Variants in SMCHD1 observed in about 807,000 individuals in gnomAD.
SMCHD1 encodes structural maintenance of chromosomes flexible hinge domain-containing protein 1.
A neutral mutation model predicts 254.7 loss-of-function variants in SMCHD1; 78 were observed. That is an observed-to-expected ratio of 0.31 (90% confidence interval 0.26 to 0.37). The LOEUF is 0.37. Ranked by LOEUF, SMCHD1 falls within the 10% of genes least tolerant of loss-of-function variation. The pLI, the probability that SMCHD1 is intolerant of heterozygous loss-of-function variation, is 1.00. For synonymous variants in SMCHD1, 766 were observed against 794.9 expected (o/e 0.96, Z 0.61); for missense variants, 1,840 against 2,408.1 (o/e 0.76, Z 4.94).
chr18:2,655,996 G>T lies in SMCHD1; in HGVS notation c.-80G>T, dbSNP rs895184190. ...TCGAGCCGCCCCGGGAGCTGGAGCTGAAGGCGCCGCGCGGAGCGCGCACCT... is the reference window on the plus strand; with the variant it reads ...TCGAGCCGCCCCGGGAGCTGGAGCTTAAGGCGCCGCGCGGAGCGCGCACCT... On this transcript the variant is annotated 5_prime_UTR_variant, in exon 1 of 48. Transcript: ENST00000320876. 13 of 1,189,950 alleles carry T rather than the reference G, an allele frequency of 1.1e-5. No individual in the cohort carries two copies. The African/African-American group carries it at 1.3e-4, about 12-fold the overall frequency. 73.7% of individuals were successfully genotyped at this position (1,189,950 alleles called of 1,614,324 possible).
At chr18:2,695,456 C>T (rs948344171) in intron 8 of SMCHD1, among the ~76,000 whole-genome samples, 9 of 151,844 alleles carry the variant, frequency 5.9e-5, no homozygotes, top group Non-Finnish European at 5.9e-5. Context: ...ATTACAGGCG[C>T]GTGCCACCAC....
intron 4 of SMCHD1, 96 bp from the exon 5 acceptor site, chr18:2,673,919 G>A: frequency 8.0e-7 from 1 of 1,245,482 alleles, no homozygotes; most frequent in Non-Finnish European, 1.1e-6. Context: ...TAATGTATAA[G>A]TGAGCCTGTT....
At chr18:2,711,481 CTT>C (rs752950626) in intron 17 of SMCHD1, among the ~76,000 whole-genome samples, 2 of 112,502 alleles carry the variant, frequency 1.8e-5, no homozygotes, top group African/African-American at 3.5e-5. Flanking sequence ...GGATGTTTGT[CTT>C]TTTTTTTTTT....
intron 24 of SMCHD1, among the ~76,000 whole-genome samples, chr18:2,729,756 T>TGGAGTGCAGTGGCACA (rs1332696121): frequency 1.3e-5 from 2 of 151,810 alleles, no homozygotes; most frequent in East Asian, 3.9e-4. Flanking sequence ...TTGTCTAGGC[T>TGGAGTGCAGTGGCACA]GGAGTGCAGT....
chr18:2,700,998 T>G (rs2074387174), intron 12 of SMCHD1, 80 bp downstream of exon 12: 2 of 1,076,708 alleles, frequency 1.9e-6, no homozygotes, highest in Non-Finnish European at 2.6e-6. Flanking sequence ...CAGTGTAGGT[T>G]TTTATTGATA....
chr18:2,713,298 A>T (rs1254908985), intron 17 of SMCHD1, among the ~76,000 whole-genome samples: 1 of 152,186 alleles, frequency 6.6e-6, no homozygotes, highest in East Asian at 1.9e-4. Flanking sequence ...AAAAATCAGA[A>T]AGTTGCTTGG....
Position 2,762,130 on chromosome 18 carries a change from A to G in SMCHD1, c.4460A>G (p.Gln1487Arg), listed in dbSNP as rs2075797094. 1.2e-6 allele frequency: 2 copies of G among 1,613,506 alleles called. No individual in the cohort carries two copies. The highest frequency in any genetic ancestry group is 1.1e-5 in the South Asian group (1 of 91,064). ...GTTATAGTTGAAGTCCTGCCTAATC[A>G]ACCTGTGAAGTTAGTACCTAAAATT... The part of the protein sequence containing the change: ...EQVIVEVLPN[Q>R]PVKLVPKIKP... The change falls in exon 36 of 48, where the codon CAA (glutamine) becomes CGA (arginine). Residue 1487 changes from glutamine (Q) to arginine (R), a missense_variant. Around this residue, in one of 9 missense-constraint regions of SMCHD1, gnomAD observed 881 missense variants for 1,009.5 expected, o/e 0.87. Transcript: ENST00000320876.
At chr18:2,704,908 G>A (rs376987417) in intron 13 of SMCHD1, among the ~76,000 whole-genome samples, 1 of 152,222 alleles carries the variant, frequency 6.6e-6, no homozygotes. Context: ...AGGAGGAGCT[G>A]GCAGAGGAGA....
At chr18:2,778,544 G>C (rs956226569) in intron 44 of SMCHD1, among the ~76,000 whole-genome samples, 53 of 152,124 alleles carry the variant, frequency 3.5e-4, no homozygotes, top group African/African-American at 1.3e-3. Context: ...TGGTTTTCTA[G>C]GGCAGCCATT....
intron 1 of SMCHD1, among the ~76,000 whole-genome samples, chr18:2,663,863 T>C (rs2073362489): frequency 6.6e-6 from 1 of 152,192 alleles, no homozygotes; most frequent in South Asian, 2.1e-4. Context: ...TACAGGCGCC[T>C]GCCACCACGC....
At chr18:2,700,698 T>C (rs757237269) in intron 11 of SMCHD1, 37 bp from the exon 12 acceptor site, 2 of 1,603,834 alleles carry the variant, frequency 1.2e-6, no homozygotes, top group East Asian at 2.2e-5. Flanking sequence ...TTTTACAACT[T>C]AATTCTTTTA....
At chr18:2,689,788 G>A (rs2074132846) in intron 7 of SMCHD1, among the ~76,000 whole-genome samples, 1 of 150,932 alleles carries the variant, frequency 6.6e-6, no homozygotes, top group Admixed American at 6.6e-5. Context: ...AGCTGAGGTG[G>A]GAGGATTGCT....
intron 45 of SMCHD1, among the ~76,000 whole-genome samples, chr18:2,787,675 AG>A: frequency 6.6e-6 from 1 of 152,366 alleles, no homozygotes; most frequent in East Asian, 1.9e-4. Context: ...AAAAATACAC[AG>A]ATGTCATATT....
intron 41 of SMCHD1, among the ~76,000 whole-genome samples, chr18:2,773,955 G>T (rs149334925): frequency 3.3e-5 from 5 of 151,880 alleles, no homozygotes; most frequent in Non-Finnish European, 7.4e-5. Flanking sequence ...ATAAATAATC[G>T]TAGAAATACA....
intron 3 of SMCHD1, chr18:2,672,948 C>A: frequency 2.4e-6 from 1 of 413,994 alleles, no homozygotes; most frequent in Non-Finnish European, 3.2e-6. Flanking sequence ...TAATTACATA[C>A]TGCAGACTAT....
At chr18:2,743,728 C>A (rs1373003838) in intron 28 of SMCHD1, 33 bp from the exon 29 acceptor site, 39 of 1,531,316 alleles carry the variant, frequency 2.5e-5, no homozygotes, top group Non-Finnish European at 3.5e-5. Flanking sequence ...AAGTGATACC[C>A]CCTGTCTTTC....
intron 1 of SMCHD1, among the ~76,000 whole-genome samples, chr18:2,658,855 TATAC>T (rs1483108776): frequency 6.6e-6 from 1 of 150,704 alleles, no homozygotes; most frequent in Non-Finnish European, 1.5e-5. Context: ...TATATGTATA[TATAC>T]ATATATATAC....
In SMCHD1 at chr18:2,796,656, G is replaced by C. The variant is rs144395718; in HGVS notation, c.5993+135G>C. ...AGTGCAGTGGCACAATCTTGGCTCA[G>C]TGCAACCTCTGCCTTCCAGGCCCAC... is the stretch of plus-strand genomic sequence containing the variant. On this transcript the variant is annotated intron_variant, in intron 47 of 47. Transcript: ENST00000320876. The C allele has an allele frequency of 4.3e-3, 2,708 of 635,808 alleles. 11 individuals are homozygous for C. The highest frequency in any genetic ancestry group is 4.8e-3 in the Non-Finnish European group (1,782 of 371,292). 39.4% of individuals were successfully genotyped at this position (635,808 alleles called of 1,614,324 possible).
intron 5 of SMCHD1, among the ~76,000 whole-genome samples, chr18:2,682,365 G>A (rs1340719845): frequency 6.8e-6 from 1 of 147,054 alleles, no homozygotes; most frequent in East Asian, 2.0e-4. Context: ...CCACCTCTCA[G>A]CCCCAGGCTG....
Sources: gnomAD v4.1 joint callset for allele counts (sites outside exome capture counted in the v4.1 genomes callset) on GRCh38, gnomAD v4.1.1 for gene constraint, gnomAD v4.1.1 regional missense constraint, MANE v1.5 for transcripts, NCBI Gene and HGNC (gene_info 2026-07-23, HGNC 2026-07-21) for gene names.